HEMK2: variants seen among roughly 807,000 people sequenced by gnomAD.
HEMK2 encodes the protein methyltransferase HEMK2.
chr21:28,707,036 C>A, the HEMK2 span, among the ~76,000 whole-genome samples: 19 of 152,234 alleles, frequency 1.2e-4, no homozygotes, highest in African/African-American at 4.6e-4. Context: ...AACTTTCTGG[C>A]CTCAACATCC....
the HEMK2 span, among the ~76,000 whole-genome samples, chr21:28,814,106 G>A: frequency 0.026 from 3,927 of 152,046 alleles, 177 homozygotes; most frequent in African/African-American, 0.09. Flanking sequence ...GCATGGTGGT[G>A]CACGCCTGTA....
At chr21:28,615,359 CCTT>C in the HEMK2 span, among the ~76,000 whole-genome samples, 336 of 151,840 alleles carry the variant, frequency 2.2e-3, 5 homozygotes, top group African/African-American at 7.7e-3. Flanking sequence ...TCCTTCTCTT[CCTT>C]CTTCTTTTCC....
the HEMK2 span, among the ~76,000 whole-genome samples, chr21:28,862,088 C>G: frequency 3.3e-5 from 5 of 152,096 alleles, no homozygotes; most frequent in Non-Finnish European, 7.4e-5. Context: ...CCTGGACTTT[C>G]AAGATGAAAT....
At chr21:28,702,572 T>C in the HEMK2 span, among the ~76,000 whole-genome samples, 1 of 152,204 alleles carries the variant, frequency 6.6e-6, no homozygotes, top group Non-Finnish European at 1.5e-5. Context: ...TCAGTGTCTC[T>C]AATCATTAGA....
chr21:28,799,755 T>C, the HEMK2 span, among the ~76,000 whole-genome samples: 3 of 152,252 alleles, frequency 2.0e-5, no homozygotes, highest in African/African-American at 4.8e-5. Context: ...TTTTTCCCTA[T>C]GTGAATACAA....
chr21:28,634,758 TG>T, the HEMK2 span, among the ~76,000 whole-genome samples: 1 of 152,212 alleles, frequency 6.6e-6, no homozygotes, highest in Admixed American at 6.5e-5. Context: ...AATACAAGTT[TG>T]TAACTTATAG....
At chr21:28,611,845 G>A in the HEMK2 span, among the ~76,000 whole-genome samples, 1 of 149,326 alleles carries the variant, frequency 6.7e-6, no homozygotes, top group Non-Finnish European at 1.5e-5. Flanking sequence ...GAGGGAAGCA[G>A]AGGTTGCAGT....
the HEMK2 span, among the ~76,000 whole-genome samples, chr21:28,831,526 G>GAAGGAAA: frequency 2.9e-5 from 1 of 34,782 alleles, no homozygotes; most frequent in Non-Finnish European, 5.1e-5. Flanking sequence ...AAAGAAAGAA[G>GAAGGAAA]GAAAGAAGGA....
At chr21:28,848,908 C>A in the HEMK2 span, among the ~76,000 whole-genome samples, 7 of 152,174 alleles carry the variant, frequency 4.6e-5, no homozygotes, top group African/African-American at 1.7e-4. Context: ...CACCAGCAAC[C>A]CTGCCCCTGC....
At chr21:28,841,182 TATATTATA>T in the HEMK2 span, among the ~76,000 whole-genome samples, 1 of 23,094 alleles carries the variant, frequency 4.3e-5, no homozygotes, top group Non-Finnish European at 6.1e-5. Context: ...TATATAAATA[TATATTATA>T]ATATATATAT....
chr21:28,671,048 A>C, the HEMK2 span: 2 of 152,184 alleles, frequency 1.3e-5, no homozygotes, highest in Admixed American at 6.5e-5. Flanking sequence ...TCTGAGTTGC[A>C]CTCTGGGCTT....
At chr21:28,817,239 CAAAAT>C in the HEMK2 span, among the ~76,000 whole-genome samples, 2 of 152,060 alleles carry the variant, frequency 1.3e-5, no homozygotes, top group African/African-American at 4.8e-5. Context: ...ATTTCAAACA[CAAAAT>C]AAAGACATTT....
chr21:28,879,100 TTAG>T, the HEMK2 span, among the ~76,000 whole-genome samples: 58 of 93,104 alleles, frequency 6.2e-4, no homozygotes, highest in South Asian at 1.1e-3. Flanking sequence ...TTTTTTTTTT[TTAG>T]AGACAGGGTC....
At chr21:28,817,199 C>T in the HEMK2 span, among the ~76,000 whole-genome samples, 2 of 152,166 alleles carry the variant, frequency 1.3e-5, no homozygotes, top group African/African-American at 2.4e-5. Context: ...GAAAAATTCA[C>T]ATTGAACCTA....
the HEMK2 span, among the ~76,000 whole-genome samples, chr21:28,598,698 G>A: frequency 6.6e-6 from 1 of 152,168 alleles, no homozygotes; most frequent in Non-Finnish European, 1.5e-5. Flanking sequence ...GCCTGAGGGT[G>A]ATCCTAGGGA....
At chr21:28,832,164 C>T in the HEMK2 span, among the ~76,000 whole-genome samples, 2 of 152,192 alleles carry the variant, frequency 1.3e-5, no homozygotes, top group Non-Finnish European at 2.9e-5. Context: ...GTCACTCTGC[C>T]TTATTATCAG....
the HEMK2 span, among the ~76,000 whole-genome samples, chr21:28,835,859 A>C: frequency 6.6e-6 from 1 of 152,180 alleles, no homozygotes; most frequent in Non-Finnish European, 1.5e-5. Flanking sequence ...AAATCTCAGC[A>C]ATAGAATTGA....
the HEMK2 span, among the ~76,000 whole-genome samples, chr21:28,590,788 G>A: frequency 6.6e-6 from 1 of 152,174 alleles, no homozygotes; most frequent in African/African-American, 2.4e-5. Flanking sequence ...AAAGACACTT[G>A]CTACAGCTGA....
chr21:28,848,344 T>C, the HEMK2 span, among the ~76,000 whole-genome samples: 1 of 152,112 alleles, frequency 6.6e-6, no homozygotes, highest in Non-Finnish European at 1.5e-5. Context: ...TATTTTTAAA[T>C]CTAGTAATAT....
Sources: gnomAD v4.1 joint callset for allele counts (sites outside exome capture counted in the v4.1 genomes callset) on GRCh38, gnomAD v4.1.1 for gene constraint, MANE v1.5 for transcripts, NCBI Gene and HGNC (gene_info 2026-07-23, HGNC 2026-07-21) for gene names.